STOX2: variants seen among roughly 807,000 people sequenced by gnomAD.
STOX2 encodes the protein storkhead box 2.
A neutral mutation model predicts 60.9 loss-of-function variants in STOX2; 28 were observed. The observed-to-expected ratio is 0.46, with a 90% CI of 0.34 to 0.63. The LOEUF (loss-of-function observed/expected upper bound fraction) is 0.63. Ranked by LOEUF, STOX2 falls within the 30% of genes least tolerant of loss-of-function variation. The probability of loss-of-function intolerance (pLI) is 0.01; values close to 1 mark genes in which losing one functional copy is unlikely to be tolerated. For missense variants in STOX2, 1,024 were observed against 1,187.7 expected (o/e 0.86, Z 2.03); for synonymous variants, 472 against 463.9 (o/e 1.02, Z -0.22).
chr4:183,853,074 A>G (rs1740199091), intron 1 of STOX2, among the ~76,000 whole-genome samples: 1 of 152,210 alleles, frequency 6.6e-6, no homozygotes, highest in Non-Finnish European at 1.5e-5. Context: ...CGGTCACCCT[A>G]GTTCTAGACC....
intron 1 of STOX2, chr4:183,798,189 G>C: frequency 5.7e-6 from 5 of 884,104 alleles, no homozygotes; most frequent in Non-Finnish European, 7.3e-6. Context: ...CCGCGTCCCT[G>C]CCGGGGGAGG....
Position 183,930,166 on chromosome 4 carries a change from CTT to C in STOX2, c.166+23226_166+23227del, listed in dbSNP as rs11318493. 8.0e-4 allele frequency among the ~76,000 whole-genome samples: 109 copies of C among 135,652 alleles called. 1 individual carries two copies. In the Middle Eastern group the frequency reaches 0.012, roughly 14 times the overall value. The allele number at this position is 135,652 out of a possible 152,430, so 89.0% of individuals were successfully genotyped here. ...GGCGTGAGCCACTGCACCAGGCCAA[CTT>C]TTTTTTTTTTTTTTTAAGACAGGGT... On this transcript the variant is annotated intron_variant, in intron 1 of 3. Coordinates refer to ENST00000308497, the MANE Select transcript of STOX2 (RefSeq NM_020225.3).
intron 1 of STOX2, among the ~76,000 whole-genome samples, chr4:183,954,230 C>G (rs550697987): frequency 6.6e-6 from 1 of 152,084 alleles, no homozygotes; most frequent in East Asian, 1.9e-4. Context: ...GTCTCACTGG[C>G]GGATTGATTT....
At chr4:183,954,905 A>G (rs1047135354) in intron 1 of STOX2, among the ~76,000 whole-genome samples, 5 of 150,948 alleles carry the variant, frequency 3.3e-5, no homozygotes, top group African/African-American at 1.2e-4. Context: ...CACCCAGCTG[A>G]TTTTTGTATT....
At chr4:183,912,172 A>T (rs1741799801) in intron 1 of STOX2, among the ~76,000 whole-genome samples, 1 of 152,154 alleles carries the variant, frequency 6.6e-6, no homozygotes, top group African/African-American at 2.4e-5. Flanking sequence ...ACTATCTACC[A>T]AACAGACCTC....
intron 1 of STOX2, among the ~76,000 whole-genome samples, chr4:183,819,389 A>G (rs1204050372): frequency 3.3e-5 from 5 of 152,066 alleles, no homozygotes; most frequent in African/African-American, 1.2e-4. Context: ...CCAAAAAAAT[A>G]CGAAAACCAG....
chr4:183,954,220 G>A (rs1743177928), intron 1 of STOX2, among the ~76,000 whole-genome samples: 1 of 152,156 alleles, frequency 6.6e-6, no homozygotes, highest in Non-Finnish European at 1.5e-5. Context: ...ACTCAAAAAG[G>A]TCTCACTGGC....
intron 1 of STOX2, among the ~76,000 whole-genome samples, chr4:183,966,663 G>A (rs756177781): frequency 2.1e-4 from 32 of 152,192 alleles, no homozygotes; most frequent in Admixed American, 1.2e-3. Flanking sequence ...CAACAAGGAG[G>A]CGTGCAATTT....
chr4:183,966,071 G>A (rs1216648441), intron 1 of STOX2, among the ~76,000 whole-genome samples: 1 of 152,038 alleles, frequency 6.6e-6, no homozygotes, highest in African/African-American at 2.4e-5. Context: ...GGGCAGGGAG[G>A]GAGGGAGAGG....
In STOX2 at chr4:183,846,872, A is replaced by T. The variant is rs372936000; in HGVS notation, c.364+48817A>T. On this transcript the variant is annotated intron_variant, in intron 1 of 2. Coordinates refer to the STOX2 transcript ENST00000513034. The stretch of plus-strand genomic sequence containing the variant: ...TGGGTTTTGAATATTGTAATGTGAT[A>T]ACTCGGGTAGTCAGATTCTTTCTGA... 1.1e-4 allele frequency among the ~76,000 whole-genome samples: 16 copies of T among 152,102 alleles called. No individual in the cohort carries two copies. The East Asian group carries it at 1.5e-3, about 15-fold the overall frequency.
intron 1 of STOX2, among the ~76,000 whole-genome samples, chr4:183,850,161 C>T (rs987935192): frequency 2.6e-5 from 4 of 151,608 alleles, no homozygotes; most frequent in South Asian, 2.1e-4. Context: ...TTAGTAGAGA[C>T]GAGGTTTCAC....
chr4:183,921,506 T>C (rs1742098635), intron 1 of STOX2, among the ~76,000 whole-genome samples: 1 of 152,198 alleles, frequency 6.6e-6, no homozygotes, highest in Non-Finnish European at 1.5e-5. Context: ...CGTTACAATT[T>C]CCTCCAGCAT....
chr4:184,014,571 TAAAA>T (rs546370039), intron 3 of STOX2: 1 of 142,064 alleles, frequency 7.0e-6, no homozygotes. Context: ...TAGCTCTCTT[TAAAA>T]AAAAAAAACA....
At chr4:183,940,999 C>T (rs1742739189) in intron 1 of STOX2, among the ~76,000 whole-genome samples, 1 of 152,204 alleles carries the variant, frequency 6.6e-6, no homozygotes, top group African/African-American at 2.4e-5. Flanking sequence ...TGGTTTAGAT[C>T]TGTGGTGTGG....
At position 184,022,875 on chromosome 4, in the gene STOX2, G is replaced by A. The variant is rs1734643313; in HGVS notation, c.*5591G>A. 1 of 152,094 alleles carries A rather than the reference G, an allele frequency of 6.6e-6. No individual in the cohort carries two copies. The highest frequency in any genetic ancestry group is 1.5e-5 in the Non-Finnish European group (1 of 68,004). The allele number at this position is 152,094 out of a possible 1,614,324, so 9.4% of individuals were successfully genotyped here. A position where few individuals can be genotyped will look rare whatever the true frequency, so the allele number is the denominator to read the frequency against. On this transcript the variant is annotated 3_prime_UTR_variant, in exon 4 of 4. Transcript: ENST00000308497. Reference sequence around the variant, plus strand: ...TGTGCAGTATCGTGCACACTTGCTGGGTTAGGAATAGAGCTGCCCTAGGGT... The same window carrying A: ...TGTGCAGTATCGTGCACACTTGCTGAGTTAGGAATAGAGCTGCCCTAGGGT...
chr4:184,009,857 A>G lies in STOX2; in HGVS notation c.1019A>G (p.Glu340Gly), dbSNP rs1223808203. Residue 340 changes from glutamate to glycine, a missense_variant, in exon 3 of 4, where the codon GAA (glutamate) becomes GGA (glycine). Coordinates refer to ENST00000308497, the MANE Select transcript of STOX2 (RefSeq NM_020225.3). This position sits in a 1 kb window ranked among gnomAD's most constrained non-coding sequence, Gnocchi z 4.0. ...GCGCTCATGAAGAAACTGGAAGAAG[A>G]AAAGGCCCAGAGGAGTAAAGCCGGG... ...HTALMKKLEE[E>G]KAQRSKAGSS... The G allele has an allele frequency of 6.2e-7, 1 of 1,611,308 alleles. No homozygotes were observed. The highest frequency in any genetic ancestry group is 8.5e-7 in the Non-Finnish European group (1 of 1,178,676).
chr4:183,916,713 G>A (rs544261311), intron 1 of STOX2, among the ~76,000 whole-genome samples: 4 of 152,298 alleles, frequency 2.6e-5, no homozygotes, highest in Non-Finnish European at 5.9e-5. Context: ...GATCTCGATC[G>A]TTGTCACTTC....
chr4:183,923,082 T>C (rs891789841), intron 1 of STOX2, among the ~76,000 whole-genome samples: 13 of 152,252 alleles, frequency 8.5e-5, no homozygotes, highest in African/African-American at 3.1e-4. Flanking sequence ...AATGCTGCTG[T>C]GCACACAGGT....
intron 1 of STOX2, among the ~76,000 whole-genome samples, chr4:183,870,674 CAT>C (rs952155117): frequency 4.6e-5 from 7 of 152,102 alleles, no homozygotes; most frequent in African/African-American, 1.7e-4. Flanking sequence ...AAATTTAAAA[CAT>C]GTTCTTTGGG....
Sources: gnomAD v4.1 joint callset for allele counts (sites outside exome capture counted in the v4.1 genomes callset) on GRCh38, gnomAD v4.1.1 for gene constraint, Gnocchi (gnomAD v3.1) non-coding constraint, MANE v1.5 for transcripts, NCBI Gene and HGNC (gene_info 2026-07-23, HGNC 2026-07-21) for gene names.